NF1: variants seen among roughly 807,000 people sequenced by gnomAD.
NF1 encodes the protein neurofibromin 1, also known as neurofibromin.
Under a neutral mutation model 325.7 loss-of-function variants are expected in NF1, and 122 were observed. The observed-to-expected ratio is 0.37, with a 90% CI of 0.32 to 0.44. The LOEUF is 0.44. Ranked by LOEUF, NF1 falls within the 20% of genes least tolerant of loss-of-function variation. The pLI is 1.00. For missense variants in NF1, 2,140 were observed against 3,415.4 expected (o/e 0.63, Z 9.31); for synonymous variants, 1,091 against 1,186.0 (o/e 0.92, Z 1.65).
At chr17:31,291,759 T>C (rs184936776) in intron 36 of NF1, among the ~76,000 whole-genome samples, 1 of 152,246 alleles carries the variant, frequency 6.6e-6, no homozygotes, top group Non-Finnish European at 1.5e-5. Context: ...GAAGCCATCT[T>C]CTCATTCTGC....
At chr17:31,341,750 T>A (rs182190748) in intron 47 of NF1, among the ~76,000 whole-genome samples, 62 of 152,018 alleles carry the variant, frequency 4.1e-4, no homozygotes, top group Admixed American at 1.0e-3. Context: ...CATGGGCAAA[T>A]TACTTCTTAG....
rs932913334 is a variant in NF1, at chr17:31,203,750, C to G, written c.1260+2265C>G. ...CAATGTACCTCATAAGTTCTCTTCT[C>G]CCATGGTTCTTTAGCCAGTCCACAC... On this transcript the variant is annotated intron_variant, in intron 11 of 57. Transcript: ENST00000358273. 1.6e-4 allele frequency among the ~76,000 whole-genome samples: 24 copies of G among 152,070 alleles called. No homozygotes were observed. The East Asian group carries it at 4.6e-3, about 29-fold the overall frequency.
chr17:31,259,984 T>C (rs745986709), intron 33 of NF1, among the ~76,000 whole-genome samples: 2 of 152,182 alleles, frequency 1.3e-5, no homozygotes, highest in African/African-American at 4.8e-5. Context: ...TCTGGCACTC[T>C]GTGTACCCAT....
At chr17:31,143,944 C>T (rs1256629791) in intron 1 of NF1, among the ~76,000 whole-genome samples, 1 of 152,110 alleles carries the variant, frequency 6.6e-6, no homozygotes, top group Non-Finnish European at 1.5e-5. Context: ...GCCTCAGCCT[C>T]CCAAGTAGCT....
chr17:31,285,974 CAT>C (rs2068219521), intron 36 of NF1, among the ~76,000 whole-genome samples: 2 of 152,152 alleles, frequency 1.3e-5, no homozygotes, highest in Admixed American at 6.5e-5. Context: ...TGAGGTGTAT[CAT>C]GTGTGACATT....
intron 57 of NF1, among the ~76,000 whole-genome samples, chr17:31,372,758 G>A (rs1164848036): frequency 1.3e-5 from 2 of 152,164 alleles, no homozygotes; most frequent in African/African-American, 4.8e-5. Context: ...GCTCATGCTT[G>A]TAATCCCAGA....
At chr17:31,149,942 G>A (rs1360082871) in intron 1 of NF1, among the ~76,000 whole-genome samples, 2 of 152,164 alleles carry the variant, frequency 1.3e-5, no homozygotes, top group African/African-American at 2.4e-5. Flanking sequence ...AGAAAGAGCT[G>A]GACATGGAGT....
intron 36 of NF1, among the ~76,000 whole-genome samples, chr17:31,291,106 G>T (rs897889490): frequency 2.6e-5 from 4 of 151,952 alleles, no homozygotes; most frequent in Admixed American, 6.6e-5. Context: ...TGAACTTAAG[G>T]TTCCAAAACA....
intron 13 of NF1, among the ~76,000 whole-genome samples, chr17:31,217,661 G>A (rs541294570): frequency 6.5e-4 from 98 of 151,926 alleles, no homozygotes; most frequent in African/African-American, 2.3e-3. Context: ...AAACATTTTA[G>A]TCTCTAAATA....
chr17:31,229,841 T>C lies in NF1; in HGVS notation c.2857T>C (p.Leu953=), dbSNP rs2151430478. 6.2e-7 allele frequency: 1 copy of C among 1,611,758 alleles called. No homozygotes were observed. The change falls in exon 22 of 58, where the codon TTG becomes CTG. Residue 953 remains leucine, a synonymous_variant. Coordinates refer to ENST00000358273, the MANE Select transcript of NF1 (RefSeq NM_001042492.3). ...GTATTTGTTCTTTCTTTAGGTTTTA[T>C]TGACTGATACCAATACTCAATTTGT... ...KFFDSQGQVL[L]TDTNTQFVEQ...
intron 30 of NF1, among the ~76,000 whole-genome samples, chr17:31,249,460 G>A (rs1453947619): frequency 6.6e-6 from 1 of 152,116 alleles, no homozygotes; most frequent in Non-Finnish European, 1.5e-5. Context: ...TTATTTACAG[G>A]GTGTTTCACA....
At chr17:31,127,844 T>C (rs1005966143) in intron 1 of NF1, among the ~76,000 whole-genome samples, 2 of 152,204 alleles carry the variant, frequency 1.3e-5, no homozygotes, top group Non-Finnish European at 2.9e-5. Flanking sequence ...TCTTTTTTTT[T>C]CTCTGTGCAT....
chr17:31,246,285 A>G (rs529202821), intron 29 of NF1, among the ~76,000 whole-genome samples: 17 of 152,294 alleles, frequency 1.1e-4, no homozygotes, highest in Non-Finnish European at 1.8e-4. Context: ...TCTTTTGTCT[A>G]TGCAAATTCT....
At chr17:31,274,505 A>G (rs1426197929) in intron 36 of NF1, among the ~76,000 whole-genome samples, 1 of 152,198 alleles carries the variant, frequency 6.6e-6, no homozygotes, top group Non-Finnish European at 1.5e-5. Context: ...TAAACCATGA[A>G]TAGAACCATG....
At chr17:31,167,857 G>A (rs17885367) in intron 4 of NF1, among the ~76,000 whole-genome samples, 2 of 152,142 alleles carry the variant, frequency 1.3e-5, no homozygotes, top group South Asian at 2.1e-4. Context: ...AGAAGCTGGG[G>A]TTTAAACAGA....
intron 48 of NF1, among the ~76,000 whole-genome samples, chr17:31,343,754 G>A (rs1009264708): frequency 6.6e-6 from 1 of 151,990 alleles, no homozygotes; most frequent in Non-Finnish European, 1.5e-5. Flanking sequence ...TTAGGAGTTC[G>A]AGACCAGCCT....
intron 8 of NF1, among the ~76,000 whole-genome samples, chr17:31,185,958 A>G (rs2066231165): frequency 6.6e-6 from 1 of 152,166 alleles, no homozygotes; most frequent in Non-Finnish European, 1.5e-5. Flanking sequence ...TCCTTTTGAG[A>G]TACAGCTCTT....
In NF1 at chr17:31,163,194, G is replaced by A. The variant is rs876658428; in HGVS notation, c.297G>A (p.Lys99=). The change falls in exon 4 of 58, where the codon AAG becomes AAA. Residue 99 remains lysine, a synonymous_variant. Coordinates refer to ENST00000358273, the MANE Select transcript of NF1 (RefSeq NM_001042492.3). ...TLEKCLAGQP[K]DTMRLDETML... ...GATTATTTCTATTTTAGCAACCAAAGGACACAATGAGATTAGATGAAACGA... is the reference window on the plus strand; with the variant it reads ...GATTATTTCTATTTTAGCAACCAAAAGACACAATGAGATTAGATGAAACGA... The A allele has an allele frequency of 6.2e-7, 1 of 1,613,876 alleles. No individual in the cohort carries two copies. Among genetic ancestry groups the A allele is most frequent in the Non-Finnish European group, 8.5e-7 (1 of 1,179,970 alleles).
At chr17:31,296,387 G>A (rs561631046) in intron 36 of NF1, 1 of 1,600,822 alleles carries the variant, frequency 6.2e-7, no homozygotes, top group South Asian at 1.1e-5. Context: ...TACAGTTTAG[G>A]CATCTGCATG....
Sources: gnomAD v4.1 joint callset for allele counts (sites outside exome capture counted in the v4.1 genomes callset) on GRCh38, gnomAD v4.1.1 for gene constraint, MANE v1.5 for transcripts, NCBI Gene and HGNC (gene_info 2026-07-23, HGNC 2026-07-21) for gene names.